CEP43: variants seen among roughly 807,000 people sequenced by gnomAD.
CEP43 encodes centrosomal protein 43.
In CEP43, 36 loss-of-function variants were observed where a neutral mutation model predicts 52.6. The ratio of observed to expected loss-of-function variants is 0.68; its 90% CI spans 0.52 to 0.90. The LOEUF (loss-of-function observed/expected upper bound fraction) is 0.90. CEP43 is among the 40% of genes least tolerant of loss of function. The probability of loss-of-function intolerance (pLI) is 0.00; values close to 1 mark genes in which losing one functional copy is unlikely to be tolerated. For synonymous variants in CEP43, 192 were observed against 172.4 expected, an observed-to-expected ratio of 1.11 and a Z score of -0.89; for missense variants, 506 against 472.8, an observed-to-expected ratio of 1.07 and a Z score of -0.65.
chr6:167,009,494 T>TG (rs1779931702), intron 5 of CEP43, among the ~76,000 whole-genome samples: 1 of 77,812 alleles, frequency 1.3e-5, no homozygotes, highest in Admixed American at 2.2e-4. Context: ...AGCGAGACTC[T>TG]GTCTCAAAAA....
chr6:167,015,210 ATTG>A (rs1449260143), intron 7 of CEP43, among the ~76,000 whole-genome samples: 3 of 152,102 alleles, frequency 2.0e-5, no homozygotes, highest in African/African-American at 7.2e-5. Context: ...CTTCTATTTC[ATTG>A]TTGTGTTCCT....
chr6:167,037,895 C>T (rs563769427), intron 12 of CEP43, among the ~76,000 whole-genome samples: 4 of 152,246 alleles, frequency 2.6e-5, no homozygotes, highest in East Asian at 1.9e-4. Flanking sequence ...CAGCCATAGA[C>T]GATGCCTAAG....
chr6:167,008,706 C>T (rs921938940), intron 5 of CEP43, among the ~76,000 whole-genome samples: 2 of 152,066 alleles, frequency 1.3e-5, no homozygotes, highest in Middle Eastern at 3.4e-3. Flanking sequence ...CAATCTCTGA[C>T]CTCGTGATCC....
chr6:167,022,666 A>T, intron 8 of CEP43, 31 bp downstream of exon 8: 1 of 1,370,928 alleles, frequency 7.3e-7, no homozygotes, highest in Non-Finnish European at 1.0e-6. Flanking sequence ...CTATGAGACT[A>T]GGGGTTTAAA....
At chr6:167,022,685 A>C (rs1206671201) in intron 8 of CEP43, 50 bp downstream of exon 8, 7 of 1,166,026 alleles carry the variant, frequency 6.0e-6, no homozygotes, top group Non-Finnish European at 7.5e-6. Context: ...AAAATAAGAT[A>C]AATGTTTTCA....
rs184213006 is a variant in CEP43, at chr6:167,042,057, C to T, written c.*2079C>T. 195 of 791,640 alleles carry T rather than the reference C, an allele frequency of 2.5e-4. No individual in the cohort carries two copies. The highest frequency in any genetic ancestry group is 9.1e-4 in the African/African-American group (48 of 52,586). The allele number at this position is 791,640 out of a possible 1,614,324, so 49.0% of individuals were successfully genotyped here. ...CAGGCTGGTCTTGAACTCCTGACCTCGTTCCTGCCTTAGCCTCCTAAAGTG... is the reference window on the plus strand; with the variant it reads ...CAGGCTGGTCTTGAACTCCTGACCTTGTTCCTGCCTTAGCCTCCTAAAGTG... On this transcript the variant is annotated 3_prime_UTR_variant, in exon 13 of 13. Coordinates refer to ENST00000366847, the MANE Select transcript of CEP43 (RefSeq NM_007045.4).
At position 167,047,994 on chromosome 6, in the gene CEP43, G is replaced by A. The variant is rs959352740; in HGVS notation, c.*8016G>A. 1 of 152,188 alleles carries A rather than the reference G, an allele frequency of 6.6e-6. No homozygotes were observed. The highest frequency in any genetic ancestry group is 2.4e-5 in the African/African-American group (1 of 41,436). 9.4% of individuals were successfully genotyped at this position (152,188 alleles called of 1,614,324 possible). A position where few individuals can be genotyped will look rare whatever the true frequency, so the allele number is the denominator to read the frequency against. ...CAGACTGTGGTGCCTAGGAATAACA[G>A]ACAAGCTTTAACTCACACGATGAGC... On this transcript the variant is annotated 3_prime_UTR_variant, in exon 13 of 13. Transcript: ENST00000366847.
chr6:167,025,132 T>C (rs565468282), intron 9 of CEP43: 1 of 311,952 alleles, frequency 3.2e-6, no homozygotes, highest in South Asian at 1.5e-4. Flanking sequence ...GGAATACTTT[T>C]GGGAAGTTGA....
intron 8 of CEP43, among the ~76,000 whole-genome samples, chr6:167,022,930 C>T (rs1261734850): frequency 1.3e-5 from 2 of 152,076 alleles, no homozygotes; most frequent in Non-Finnish European, 1.5e-5. Context: ...TCAGGAAGCT[C>T]ATGCTCTGGT....
intron 10 of CEP43, chr6:167,028,334 G>GCAGGAGGGTGGTGTGACC: frequency 1.0e-6 from 1 of 985,388 alleles, no homozygotes; most frequent in African/African-American, 1.7e-5. Context: ...CTGGGTACAG[G>GCAGGAGGGTGGTGTGACC]CAGGAGGGTG....
In CEP43 at chr6:167,022,541, A is replaced by G. The variant is rs755098540; in HGVS notation, c.712A>G (p.Lys238Glu). 1 of 1,614,112 alleles carries G rather than the reference A, an allele frequency of 6.2e-7. No homozygotes were observed. The highest frequency in any genetic ancestry group is 8.5e-7 in the Non-Finnish European group (1 of 1,179,972). Reference protein sequence around the residue: ...SFLSNRTLDGKDKAGLCPDED... With the variant: ...SFLSNRTLDGEDKAGLCPDED... ...TCTAAGCAACAGAACTTTAGATGGC[A>G]AAGACAAAGCTGGCCTTTGTCCAGA... is the stretch of plus-strand genomic sequence containing the variant. The change falls in exon 8 of 13, where the codon AAA becomes GAA. Residue 238 changes from lysine to glutamate, a missense_variant. Transcript: ENST00000366847.
chr6:167,011,908 G>A (rs941583942), intron 6 of CEP43, among the ~76,000 whole-genome samples: 1 of 152,168 alleles, frequency 6.6e-6, no homozygotes, highest in African/African-American at 2.4e-5. Context: ...TCACATTGAG[G>A]GTTAGGATTT....
rs2114860982 is a variant in CEP43, at chr6:167,047,052, T to G, written c.*7074T>G. On this transcript the variant is annotated 3_prime_UTR_variant, in exon 13 of 13. Coordinates refer to ENST00000366847, the MANE Select transcript of CEP43 (RefSeq NM_007045.4). ...TGAATAGGGGGCGCTGCCTGCAATG[T>G]CCACGTGGAAACCTGGCTGGGAGAA... is the stretch of plus-strand genomic sequence containing the variant. 1 of 152,480 alleles carries G rather than the reference T, an allele frequency of 6.6e-6. No homozygotes were observed. The highest frequency in any genetic ancestry group is 3.4e-3 in the Middle Eastern group (1 of 294). The allele number at this position is 152,480 out of a possible 1,614,324, so 9.4% of individuals were successfully genotyped here.
In CEP43 at chr6:167,017,586, C is replaced by CTT. The variant is rs776739102; in HGVS notation, c.579+4032_579+4033dup. On this transcript the variant is annotated intron_variant, in intron 7 of 12. Coordinates refer to ENST00000366847, the MANE Select transcript of CEP43 (RefSeq NM_007045.4). ...TACATGAACAGTTTGGAAAAAAATT[C>CTT]TTTTTTTTTTTTTTCAGGTTCTTAA... 1.4e-4 allele frequency among the ~76,000 whole-genome samples: 19 copies of CTT among 131,542 alleles called. No homozygotes were observed. In the East Asian group the frequency reaches 2.2e-3, roughly 15 times the overall value. 86.3% of individuals were successfully genotyped at this position (131,542 alleles called of 152,430 possible). A position where few individuals can be genotyped will look rare whatever the true frequency, so the allele number is the denominator to read the frequency against.
intron 5 of CEP43, 64 bp downstream of exon 5, chr6:167,004,465 G>T: frequency 1.4e-6 from 2 of 1,408,828 alleles, no homozygotes; most frequent in Non-Finnish European, 1.9e-6. Context: ...TAGCCATGCA[G>T]ATTAGTGCAT....
At chr6:167,033,389 G>A (rs1780517299) in intron 11 of CEP43, among the ~76,000 whole-genome samples, 1 of 152,046 alleles carries the variant, frequency 6.6e-6, no homozygotes, top group African/African-American at 2.4e-5. Flanking sequence ...GATTACAGAC[G>A]AGAACCACCA....
intron 8 of CEP43, 71 bp downstream of exon 8, chr6:167,022,706 A>G: frequency 1.0e-6 from 1 of 1,002,064 alleles, no homozygotes; most frequent in South Asian, 1.6e-5. Context: ...TTTTATAGTT[A>G]AAAAATAATG....
At chr6:167,018,642 G>A (rs1477472021) in intron 7 of CEP43, among the ~76,000 whole-genome samples, 2 of 151,990 alleles carry the variant, frequency 1.3e-5, no homozygotes, top group African/African-American at 2.4e-5. Context: ...CGCCTGCCTC[G>A]GCCTCCCAAA....
intron 2 of CEP43, among the ~76,000 whole-genome samples, chr6:167,002,397 T>A (rs893707390): frequency 6.6e-6 from 1 of 152,228 alleles, no homozygotes; most frequent in Non-Finnish European, 1.5e-5. Context: ...TTAGGCTGTT[T>A]CCAGTTTTTG....
Sources: allele counts gnomAD v4.1 joint callset (sites outside exome capture counted in the v4.1 genomes callset), GRCh38; gene constraint gnomAD v4.1.1; transcripts MANE v1.5; gene names NCBI Gene and HGNC (gene_info 2026-07-23, HGNC 2026-07-21).